The following SLC35F3 variants were observed in gnomAD, a reference collection of about 807,000 sequenced individuals.
The protein encoded by SLC35F3 is putative thiamine transporter SLC35F3.
A neutral mutation model predicts 49.9 loss-of-function variants in SLC35F3; 25 were observed. That is an observed-to-expected ratio of 0.50 (90% CI 0.37 to 0.70). SLC35F3 has a LOEUF of 0.70. Among genes scored for constraint, SLC35F3 ranks in the 30% least tolerant of loss-of-function variants. SLC35F3 has a pLI of 0.00. For missense variants in SLC35F3, 525 were observed against 639.8 expected, an observed-to-expected ratio of 0.82 and a Z score of 1.94; for synonymous variants, 275 against 265.4, an observed-to-expected ratio of 1.04 and a Z score of -0.35.
At chr1:234,292,605 A>G (rs1197928329) in intron 3 of SLC35F3, among the ~76,000 whole-genome samples, 2 of 152,214 alleles carry the variant, frequency 1.3e-5, no homozygotes, top group Non-Finnish European at 2.9e-5. Context: ...AATCCCACCC[A>G]TGGGTGTATG....
rs1666310674 is a variant in SLC35F3, at chr1:234,165,828, C to T, written c.284-65589C>T. 1.3e-5 allele frequency among the ~76,000 whole-genome samples: 2 copies of T among 152,206 alleles called. 1 individual carries two copies. Among genetic ancestry groups the T allele is most frequent in the South Asian group, 4.2e-4 (2 of 4,818 alleles). ...TCACCCAAGTCGTGTACATTGTACC[C>T]TGTGGGTAGTTTTTCATCCCTCATC... On this transcript the variant is annotated intron_variant, in intron 2 of 7. Coordinates refer to ENST00000366618, the MANE Select transcript of SLC35F3 (RefSeq NM_173508.4).
chr1:234,121,656 T>C (rs954053278), intron 2 of SLC35F3, among the ~76,000 whole-genome samples: 2 of 152,142 alleles, frequency 1.3e-5, no homozygotes, highest in African/African-American at 4.8e-5. Context: ...GTTGGTTTGC[T>C]GCACCCATTA....
intron 2 of SLC35F3, among the ~76,000 whole-genome samples, chr1:233,972,553 A>G (rs1004107192): frequency 7.2e-5 from 11 of 152,198 alleles, no homozygotes; most frequent in Admixed American, 5.9e-4. Flanking sequence ...ATATTACCTC[A>G]CATGGCTGTT....
At chr1:234,165,051 TG>T (rs1666293943) in intron 2 of SLC35F3, among the ~76,000 whole-genome samples, 1 of 142,282 alleles carries the variant, frequency 7.0e-6, no homozygotes, top group Non-Finnish European at 1.6e-5. Flanking sequence ...TGTGTGTGTG[TG>T]TGTGTGTGTG....
intron 2 of SLC35F3, among the ~76,000 whole-genome samples, chr1:234,090,781 C>G (rs914105378): frequency 6.6e-6 from 1 of 152,224 alleles, no homozygotes; most frequent in Non-Finnish European, 1.5e-5. Context: ...GAGCTGCCCT[C>G]AGTTCCTGAA....
At chr1:234,075,549 A>T (rs1280406182) in intron 2 of SLC35F3, among the ~76,000 whole-genome samples, 2 of 152,240 alleles carry the variant, frequency 1.3e-5, no homozygotes, top group Non-Finnish European at 2.9e-5. Context: ...TGTGGGAAGC[A>T]CTTTCAGCAA....
chr1:234,154,089 A>T (rs191530021), intron 2 of SLC35F3, among the ~76,000 whole-genome samples: 54 of 151,976 alleles, frequency 3.6e-4, no homozygotes, highest in Non-Finnish European at 6.8e-4. Flanking sequence ...ACAAAAAACT[A>T]GCTGGGTGGG....
chr1:234,214,304 G>A lies in SLC35F3; in HGVS notation c.284-17113G>A. ...GGCCGGGGAGGATGTGCGCTGCAGGGCGGCCGCCGCAGTGAGCAACGCGGC... is the reference window on the plus strand; with the variant it reads ...GGCCGGGGAGGATGTGCGCTGCAGGACGGCCGCCGCAGTGAGCAACGCGGC... On this transcript the variant is annotated intron_variant, in intron 2 of 7. Coordinates refer to ENST00000366618, the MANE Select transcript of SLC35F3 (RefSeq NM_173508.4). The surrounding 1 kb of genome is among the most constrained non-coding windows in gnomAD (Gnocchi z 8.0). The A allele has an allele frequency of 4.6e-6, 6 of 1,295,022 alleles. No homozygotes were observed. Among genetic ancestry groups the A allele is most frequent in the Non-Finnish European group, 5.9e-6 (6 of 1,025,140 alleles). The allele number at this position is 1,295,022 out of a possible 1,614,324, so 80.2% of individuals were successfully genotyped here.
intron 2 of SLC35F3, among the ~76,000 whole-genome samples, chr1:234,007,804 C>CT (rs1344183044): frequency 6.6e-6 from 1 of 152,078 alleles, no homozygotes; most frequent in Admixed American, 6.5e-5. Flanking sequence ...TGTAAAAATG[C>CT]TTAGAATTGG....
At chr1:234,293,674 A>G (rs1403517127) in intron 3 of SLC35F3, among the ~76,000 whole-genome samples, 3 of 152,218 alleles carry the variant, frequency 2.0e-5, no homozygotes, top group Non-Finnish European at 4.4e-5. Flanking sequence ...AGACATACCC[A>G]AACAGCACAT....
At chr1:234,149,767 A>G (rs1666047011) in intron 2 of SLC35F3, among the ~76,000 whole-genome samples, 3 of 152,198 alleles carry the variant, frequency 2.0e-5, no homozygotes, top group Admixed American at 2.0e-4. Context: ...TCTTGTGACT[A>G]CATATTACTT....
chr1:233,924,177 T>C (rs1355136100), intron 2 of SLC35F3, among the ~76,000 whole-genome samples: 3 of 152,188 alleles, frequency 2.0e-5, no homozygotes, highest in Non-Finnish European at 4.4e-5. Context: ...TTACGGAAAA[T>C]TCCCTTTTTT....
At chr1:234,073,571 T>C (rs1284734876) in intron 2 of SLC35F3, among the ~76,000 whole-genome samples, 2 of 152,218 alleles carry the variant, frequency 1.3e-5, no homozygotes. Flanking sequence ...CCATTCAGCC[T>C]ATCCATCAGG....
At chr1:234,278,838 A>G (rs1275885429) in intron 3 of SLC35F3, among the ~76,000 whole-genome samples, 2 of 152,090 alleles carry the variant, frequency 1.3e-5, no homozygotes, top group Non-Finnish European at 2.9e-5. Context: ...GAGGGCCCCA[A>G]CGCCATGACC....
At chr1:233,949,078 C>A (rs886355048) in intron 2 of SLC35F3, among the ~76,000 whole-genome samples, 2 of 152,088 alleles carry the variant, frequency 1.3e-5, no homozygotes, top group African/African-American at 4.8e-5. Flanking sequence ...TCTGAAAGTT[C>A]TGTCCATTCC....
chr1:234,061,631 C>T (rs1664541765), intron 2 of SLC35F3, among the ~76,000 whole-genome samples: 1 of 152,008 alleles, frequency 6.6e-6, no homozygotes, highest in Admixed American at 6.6e-5. Context: ...TTCTGAGTCT[C>T]TGCTAATTTT....
At chr1:234,071,431 G>C (rs1664710728) in intron 2 of SLC35F3, among the ~76,000 whole-genome samples, 1 of 152,074 alleles carries the variant, frequency 6.6e-6, no homozygotes, top group African/African-American at 2.4e-5. Flanking sequence ...CTCCTGCTGG[G>C]TCCTCCACCC....
At chr1:234,206,473 A>C in intron 2 of SLC35F3, among the ~76,000 whole-genome samples, 2 of 98,040 alleles carry the variant, frequency 2.0e-5, no homozygotes, top group Non-Finnish European at 3.7e-5. Context: ...GGTGGGGGGG[A>C]CTATTTCCAA....
At chr1:234,130,685 AG>A in intron 2 of SLC35F3, among the ~76,000 whole-genome samples, 1 of 151,776 alleles carries the variant, frequency 6.6e-6, no homozygotes, top group East Asian at 1.9e-4. Context: ...AGTGTGGGCA[AG>A]GAGGTGGAGC....
Sources: gnomAD v4.1 joint callset for allele counts (sites outside exome capture counted in the v4.1 genomes callset) on GRCh38, gnomAD v4.1.1 for gene constraint, Gnocchi (gnomAD v3.1) non-coding constraint, MANE v1.5 for transcripts, NCBI Gene and HGNC (gene_info 2026-07-23, HGNC 2026-07-21) for gene names.